The following TOGARAM1 variants were observed in gnomAD, a reference collection of about 807,000 sequenced individuals.
TOGARAM1 encodes the protein TOG array regulator of axonemal microtubules protein 1.
A neutral mutation model predicts 166.6 loss-of-function variants in TOGARAM1; 100 were observed. The ratio of observed to expected loss-of-function variants is 0.60; its 90% CI spans 0.51 to 0.71. The LOEUF is 0.71. Among genes scored for constraint, TOGARAM1 ranks in the 30% least tolerant of loss-of-function variants. The pLI, the probability that TOGARAM1 is intolerant of heterozygous loss-of-function variation, is 0.00. For synonymous variants in TOGARAM1, 758 were observed against 763.8 expected (o/e 0.99, Z 0.13); for missense variants, 2,029 against 2,102.7 (o/e 0.96, Z 0.69).
rs745548439 is a variant in TOGARAM1 at position 45,068,594 on chromosome 14, C to A, written c.4920C>A (p.Gly1640=). The part of the protein sequence containing the change: ...VDNNLNSKNP[G]IYAAATNVVQ... ...ACAATCTGAATTCCAAGAATCCAGG[C>A]ATCTATGCGGCTGCTACAAATGTTG... Residue 1640 remains glycine (G), a synonymous_variant, in exon 18 of 20, where the codon GGC becomes GGA. Coordinates refer to ENST00000361462, the MANE Select transcript of TOGARAM1 (RefSeq NM_001308120.2). 1 of 1,613,126 alleles carries A rather than the reference C, an allele frequency of 6.2e-7. No individual in the cohort carries two copies. The highest frequency in any genetic ancestry group is 8.5e-7 in the Non-Finnish European group (1 of 1,179,592).
Position 45,071,741 on chromosome 14 carries a change from AC to A in TOGARAM1, c.5000del (p.Thr1667LysfsTer6), listed in dbSNP as rs1883393168. 1 of 1,612,634 alleles carries A rather than the reference AC, an allele frequency of 6.2e-7. No homozygotes were observed. The highest frequency in any genetic ancestry group is 1.3e-5 in the African/African-American group (1 of 74,840). On this transcript the variant is annotated frameshift_variant, in exon 19 of 20. Coordinates refer to ENST00000361462, the MANE Select transcript of TOGARAM1 (RefSeq NM_001308120.2). LOFTEE classifies it high-confidence loss of function. The stretch of plus-strand genomic sequence containing the variant: ...TTACTTACTTCTACAGCCATTTTGC[AC>A]AAAAGCTCAGTTTTTAAATGGAAAA... ...DNYLLLQPFC[T>X]KAQFLNGKAK...
In TOGARAM1 at chr14:45,025,809, T is replaced by G; in HGVS notation, c.3265T>G (p.Ser1089Ala). 1 of 1,609,698 alleles carries G rather than the reference T, an allele frequency of 6.2e-7. No individual in the cohort carries two copies. The highest frequency in any genetic ancestry group is 8.5e-7 in the Non-Finnish European group (1 of 1,176,818). Residue 1089 changes from serine (S) to alanine (A), a missense_variant, in exon 8 of 20, where the codon TCC becomes GCC. By Grantham distance (99) the Ser-to-Ala change is moderately conservative. This residue lies in a region of TOGARAM1 where 1,453 missense variants were observed against 1,432.2 expected (regional missense o/e 1.01). Transcript: ENST00000361462. ...AGSSSNPQQI[S>A]SFDFTTTKAL... ...GTCATCATCAAATCCACAGCAAATT[T>G]CCAGTTTTGACTTCACAACCACAAA...
rs571395739 is a variant in TOGARAM1, at chr14:45,034,959, A to G, written c.3812+2583A>G. Among the ~76,000 whole-genome samples the G allele has an allele frequency of 3.3e-5, 5 of 152,324 alleles. No individual in the cohort carries two copies. In the South Asian group the frequency reaches 6.2e-4, roughly 19 times the overall value. Reference sequence around the variant, plus strand: ...AAGACATTGTAACTGTAACTACTGCATGCATTAAAGAGGCTGGAGGAAAGG... The same window carrying G: ...AAGACATTGTAACTGTAACTACTGCGTGCATTAAAGAGGCTGGAGGAAAGG... On this transcript the variant is annotated intron_variant, in intron 11 of 19. Transcript: ENST00000361462.
chr14:44,979,681 A>G (rs1302791692), intron 1 of TOGARAM1, among the ~76,000 whole-genome samples: 1 of 152,242 alleles, frequency 6.6e-6, no homozygotes, highest in Non-Finnish European at 1.5e-5. Flanking sequence ...AATGTAGGCA[A>G]AATGACTCCA....
Position 44,995,075 on chromosome 14 carries a change from A to G in TOGARAM1, c.2047-671A>G, listed in dbSNP as rs77075890. 5.8e-4 allele frequency among the ~76,000 whole-genome samples: 88 copies of G among 152,348 alleles called. 4 individuals carry two copies. The East Asian group carries it at 0.011, about 20-fold the overall frequency. On this transcript the variant is annotated intron_variant, in intron 1 of 19. Coordinates refer to ENST00000361462, the MANE Select transcript of TOGARAM1 (RefSeq NM_001308120.2). The stretch of plus-strand genomic sequence containing the variant: ...TTGAAGAATTTTGAACATTTGATTC[A>G]TGCTCTCATTTAGTTCTTTAACTGA...
chr14:44,996,065 C>A, intron 2 of TOGARAM1, 163 bp downstream of exon 2: 2 of 484,402 alleles, frequency 4.1e-6, no homozygotes, highest in Non-Finnish European at 6.8e-6. Flanking sequence ...ATTATTATCT[C>A]ATAAAACCCT....
intron 1 of TOGARAM1, among the ~76,000 whole-genome samples, chr14:44,985,306 C>T (rs1437041655): frequency 1.3e-5 from 2 of 152,216 alleles, no homozygotes; most frequent in Non-Finnish European, 2.9e-5. Context: ...AGCCATTGTG[C>T]CTGGCTTTCA....
Position 45,009,057 on chromosome 14 carries a change from A to G in TOGARAM1, c.3049A>G (p.Asn1017Asp), listed in dbSNP as rs139225809. The change falls in exon 6 of 20, where the codon AAC becomes GAC. Residue 1017 changes from asparagine (N) to aspartate (D), a missense_variant. By Grantham distance (23) the Asn-to-Asp change is conservative (BLOSUM62 1). Around this residue, in one of 2 missense-constraint regions of TOGARAM1, gnomAD observed 1,453 missense variants for 1,432.2 expected, o/e 1.01. Transcript: ENST00000361462. ...CTCCCCGTCTCTGTCTTCCTCACCAAACATCAATTCTTACAGTGAAAGTGG... is the reference window on the plus strand; with the variant it reads ...CTCCCCGTCTCTGTCTTCCTCACCAGACATCAATTCTTACAGTGAAAGTGG... ...MDSPSLSSSP[N>D]INSYSESGVY... 5.5e-4 allele frequency: 892 copies of G among 1,614,034 alleles called. No individual in the cohort carries two copies. Among genetic ancestry groups the G allele is most frequent in the Admixed American group, 7.5e-4 (45 of 60,012 alleles).
intron 11 of TOGARAM1, among the ~76,000 whole-genome samples, chr14:45,035,750 T>G (rs1881392183): frequency 6.6e-6 from 1 of 152,096 alleles, no homozygotes; most frequent in South Asian, 2.1e-4. Context: ...GTGAGATCTT[T>G]AAAGTACTGA....
intron 1 of TOGARAM1, among the ~76,000 whole-genome samples, chr14:44,984,787 AAATAATTAAAAAT>A (rs1356533090): frequency 2.0e-5 from 3 of 151,780 alleles, no homozygotes; most frequent in Non-Finnish European, 4.4e-5. Flanking sequence ...AAAAAAATAA[AAATAATTAAAAAT>A]AATAATTAAA....
chr14:44,970,117 G>T (rs1292278773), intron 1 of TOGARAM1, among the ~76,000 whole-genome samples: 2 of 152,118 alleles, frequency 1.3e-5, no homozygotes, highest in Non-Finnish European at 2.9e-5. Flanking sequence ...TGAATCTATA[G>T]ATCAAGTTGA....
intron 7 of TOGARAM1, 97 bp downstream of exon 7, chr14:45,012,172 G>A: frequency 3.9e-6 from 3 of 772,408 alleles, no homozygotes; most frequent in Non-Finnish European, 6.1e-6. Context: ...ATGTTGTTGT[G>A]CATACTGGTT....
chr14:45,003,233 C>A (rs1305665072), intron 3 of TOGARAM1, among the ~76,000 whole-genome samples: 1 of 151,864 alleles, frequency 6.6e-6, no homozygotes, highest in Non-Finnish European at 1.5e-5. Context: ...TTGTTTAAGT[C>A]CTCAGAAGAA....
At position 45,068,695 on chromosome 14, in the gene TOGARAM1, T is replaced by G. The variant is rs760878127; in HGVS notation, c.4969+52T>G. 10 of 1,387,852 alleles carry G rather than the reference T, an allele frequency of 7.2e-6. No individual in the cohort carries two copies. In the Admixed American group the frequency reaches 2.2e-4, roughly 31 times the overall value. 86.0% of individuals were successfully genotyped at this position (1,387,852 alleles called of 1,614,324 possible). On this transcript the variant is annotated intron_variant, in intron 18 of 19. Coordinates refer to ENST00000361462, the MANE Select transcript of TOGARAM1 (RefSeq NM_001308120.2). ...ATTATTTTCACTTTCTTTTCATGTT[T>G]TCTGATTCCATCCATACTTTTTTTG... is the stretch of plus-strand genomic sequence containing the variant.
chr14:45,006,126 C>G lies in TOGARAM1; in HGVS notation c.2763C>G (p.Ser921Arg). The G allele has an allele frequency of 6.2e-7, 1 of 1,614,048 alleles. No individual in the cohort carries two copies. The highest frequency in any genetic ancestry group is 8.5e-7 in the Non-Finnish European group (1 of 1,179,982). The change falls in exon 5 of 20, where the codon AGC becomes AGG. Residue 921 changes from serine to arginine, a missense_variant. Physicochemically the swap from Ser to Arg is moderately radical, Grantham distance 110 (BLOSUM62 -1). Transcript: ENST00000361462. ...TTCCTCCCATACCAAGGGGAATAAG[C>G]CTTTTGCCTGATAAAGCTGATTTAA... ...KPVPPIPRGISLLPDKADLST... is the reference protein window; with the variant it reads ...KPVPPIPRGIRLLPDKADLST...
rs112762508 is a variant in TOGARAM1 at position 45,020,610 on chromosome 14, T to C, written c.3239-5173T>C. Among the ~76,000 whole-genome samples the C allele has an allele frequency of 7.9e-3, 1,205 of 152,132 alleles. 20 individuals are homozygous for C. Among genetic ancestry groups the C allele is most frequent in the African/African-American group, 0.026 (1,084 of 41,480 alleles). On this transcript the variant is annotated intron_variant, in intron 7 of 19. Coordinates refer to ENST00000361462, the MANE Select transcript of TOGARAM1 (RefSeq NM_001308120.2). ...AAATCTTGTTCAGTGTAGATGGTCA[T>C]AGGGTGCACTAAGAATGAGAGGAAG...
chr14:45,050,174 G>T (rs1442682500), intron 14 of TOGARAM1, among the ~76,000 whole-genome samples: 2 of 152,154 alleles, frequency 1.3e-5, no homozygotes, highest in African/African-American at 2.4e-5. Flanking sequence ...TCTGGTTGTG[G>T]AGAAAGGTAA....
intron 1 of TOGARAM1, among the ~76,000 whole-genome samples, chr14:44,969,504 C>T (rs920723595): frequency 1.3e-5 from 2 of 152,168 alleles, no homozygotes; most frequent in African/African-American, 4.8e-5. Context: ...CTTGTCTTCT[C>T]ATTCTCTTGA....
intron 14 of TOGARAM1, among the ~76,000 whole-genome samples, chr14:45,051,342 C>T (rs1343172873): frequency 6.6e-6 from 1 of 152,166 alleles, no homozygotes; most frequent in Non-Finnish European, 1.5e-5. Context: ...CAGGCCAGAA[C>T]ATCTGGCCCT....
Sources: allele counts gnomAD v4.1 joint callset (sites outside exome capture counted in the v4.1 genomes callset), GRCh38; gene constraint gnomAD v4.1.1; regional missense constraint gnomAD v4.1.1; transcripts MANE v1.5; gene names NCBI Gene and HGNC (gene_info 2026-07-23, HGNC 2026-07-21).